CRPPA: variants seen among roughly 807,000 people sequenced by gnomAD.
CRPPA encodes D-ribitol-5-phosphate cytidylyltransferase.
A neutral mutation model predicts 52.0 loss-of-function variants in CRPPA; 43 were observed. The observed-to-expected ratio is 0.83, with a 90% CI of 0.65 to 1.07. CRPPA has a LOEUF of 1.07. CRPPA is among the 50% of genes least tolerant of loss of function. The pLI is 0.00. For synonymous variants in CRPPA, 250 were observed against 203.5 expected (o/e 1.23, Z -1.94); for missense variants, 629 against 551.7 (o/e 1.14, Z -1.40).
chr7:16,399,561 GAC>G (rs1248771359), intron 2 of CRPPA, among the ~76,000 whole-genome samples: 2 of 152,076 alleles, frequency 1.3e-5, no homozygotes, highest in African/African-American at 4.8e-5. Flanking sequence ...TGAATGACAT[GAC>G]ACGTTTGTGA....
chr7:16,137,433 G>A (rs1445782156), intron 9 of CRPPA, among the ~76,000 whole-genome samples: 1 of 152,070 alleles, frequency 6.6e-6, no homozygotes, highest in Non-Finnish European at 1.5e-5. Flanking sequence ...ATGGATGAAG[G>A]AAAATATTTT....
Position 16,264,779 on chromosome 7 carries a change from T to C in CRPPA, c.934-5767A>G, listed in dbSNP as rs74974254. Among the ~76,000 whole-genome samples, 864 of 152,352 alleles carry C rather than the reference T, an allele frequency of 5.7e-3. 9 individuals are homozygous for C. The highest frequency in any genetic ancestry group is 0.02 in the African/African-American group (829 of 41,586). The stretch of plus-strand genomic sequence containing the variant: ...GCCAACAATTATCCCTTTTTGCCTT[T>C]CTAGCATTCAGCATTTACTATTTCT... On this transcript the variant is annotated intron_variant, in intron 6 of 9. Coordinates refer to ENST00000407010, the MANE Select transcript of CRPPA (RefSeq NM_001101426.4).
chr7:16,362,150 G>A (rs901816555), intron 3 of CRPPA, among the ~76,000 whole-genome samples: 20 of 152,278 alleles, frequency 1.3e-4, no homozygotes, highest in Admixed American at 3.9e-4. Context: ...CACCGCGCTC[G>A]GCCTACAAAA....
At chr7:16,362,257 G>A (rs1270480963) in intron 3 of CRPPA, among the ~76,000 whole-genome samples, 5 of 152,168 alleles carry the variant, frequency 3.3e-5, no homozygotes, top group Non-Finnish European at 5.9e-5. Flanking sequence ...TTCTCACAGC[G>A]TGGAGGCTGG....
chr7:16,186,854 G>T, intron 9 of CRPPA, among the ~76,000 whole-genome samples: 1 of 152,070 alleles, frequency 6.6e-6, no homozygotes, highest in East Asian at 1.9e-4. Flanking sequence ...ACCAAGGAGA[G>T]GATTTTGTCC....
chr7:16,314,561 C>T (rs905668490), intron 3 of CRPPA, among the ~76,000 whole-genome samples: 1 of 151,956 alleles, frequency 6.6e-6, no homozygotes, highest in Non-Finnish European at 1.5e-5. Flanking sequence ...ATATAAATTT[C>T]TGGAGAAGAT....
In CRPPA at chr7:16,213,466, T is replaced by C. The variant is rs191633491; in HGVS notation, c.1251+2600A>G. On this transcript the variant is annotated intron_variant, in intron 9 of 9. Transcript: ENST00000407010. ...AATTTTTTTTTAAAAAACAAAAATT[T>C]GGCCAGGCGCGGTGGCTCACACCTG... is the stretch of plus-strand genomic sequence containing the variant. Among the ~76,000 whole-genome samples the C allele has an allele frequency of 2.0e-3, 307 of 152,152 alleles. 1 individual carries two copies. Among genetic ancestry groups the C allele is most frequent in the Non-Finnish European group, 3.6e-3 (246 of 67,992 alleles).
chr7:16,349,223 T>C (rs1451519004), intron 3 of CRPPA, among the ~76,000 whole-genome samples: 1 of 152,064 alleles, frequency 6.6e-6, no homozygotes, highest in Non-Finnish European at 1.5e-5. Flanking sequence ...ATGTGGCACA[T>C]CCCAACCTCC....
intron 9 of CRPPA, among the ~76,000 whole-genome samples, chr7:16,098,665 A>C (rs78419513): frequency 4.6e-4 from 70 of 152,352 alleles, no homozygotes; most frequent in African/African-American, 1.6e-3. Context: ...CTAAACCTTC[A>C]ACAGACTTGT....
intron 9 of CRPPA, among the ~76,000 whole-genome samples, chr7:16,114,506 A>G (rs147794144): frequency 6.6e-6 from 1 of 152,240 alleles, no homozygotes; most frequent in East Asian, 1.9e-4. Flanking sequence ...ACTGATGAGT[A>G]TAAAGTTTAT....
rs560762944 is a variant in CRPPA, at chr7:16,384,706, T to C, written c.535-8465A>G. ...AAAAGCAACATCAGAAGCTTTTCCC[T>C]GTGAAAGTAAAAGACATCACTAAAA... On this transcript the variant is annotated intron_variant, in intron 2 of 9. Coordinates refer to ENST00000407010, the MANE Select transcript of CRPPA (RefSeq NM_001101426.4). 4.6e-5 allele frequency among the ~76,000 whole-genome samples: 7 copies of C among 152,280 alleles called. No individual in the cohort carries two copies. The South Asian group carries it at 1.2e-3, about 27-fold the overall frequency.
At chr7:16,258,514 A>T (rs1402161671) in intron 7 of CRPPA, 32 bp from the exon 8 acceptor site, 1 of 1,344,420 alleles carries the variant, frequency 7.4e-7, no homozygotes, top group Non-Finnish European at 1.0e-6. Context: ...AGGATATGAG[A>T]AGACGTTTTT....
At chr7:16,202,957 T>C (rs373672157) in intron 9 of CRPPA, among the ~76,000 whole-genome samples, 63 of 152,308 alleles carry the variant, frequency 4.1e-4, no homozygotes, top group African/African-American at 1.3e-3. Context: ...TGGGTATTAC[T>C]ATTAGTTATT....
Position 16,241,199 on chromosome 7 carries a change from C to CT in CRPPA, c.1119+17190dup, listed in dbSNP as rs371818495. ...ATGGATGATGACTTTCTTTTCTTTT[C>CT]TTTTTTTAATTTGCTGACCTGTTCA... On this transcript the variant is annotated intron_variant, in intron 8 of 9. Coordinates refer to ENST00000407010, the MANE Select transcript of CRPPA (RefSeq NM_001101426.4). Among the ~76,000 whole-genome samples, 657 of 152,020 alleles carry CT rather than the reference C, an allele frequency of 4.3e-3. 6 individuals carry two copies. Among genetic ancestry groups the CT allele is most frequent in the African/African-American group, 0.015 (612 of 41,474 alleles).
chr7:16,287,340 C>A (rs954366782), intron 5 of CRPPA, among the ~76,000 whole-genome samples: 1 of 152,084 alleles, frequency 6.6e-6, no homozygotes, highest in East Asian at 1.9e-4. Flanking sequence ...CCTTCTCTTC[C>A]ACAAGATCAC....
chr7:16,253,346 C>G lies in CRPPA; in HGVS notation c.1119+5044G>C, dbSNP rs150513523. On this transcript the variant is annotated intron_variant, in intron 8 of 9. Transcript: ENST00000407010. ...TTTCAAAGAACATCTGTATTTCTGC[C>G]TTCATTTTGTTATTCACCCAGCAGT... Among the ~76,000 whole-genome samples, 100 of 152,228 alleles carry G rather than the reference C, an allele frequency of 6.6e-4. 2 individuals are homozygous for G. The East Asian group carries it at 0.014, about 22-fold the overall frequency.
At chr7:16,212,528 A>G (rs141164737) in intron 9 of CRPPA, among the ~76,000 whole-genome samples, 5 of 152,304 alleles carry the variant, frequency 3.3e-5, no homozygotes, top group Admixed American at 3.3e-4. Context: ...ACTAAAATAT[A>G]CACACCGTAA....
intron 6 of CRPPA, among the ~76,000 whole-genome samples, chr7:16,261,209 C>A (rs1002139387): frequency 1.3e-5 from 2 of 151,966 alleles, no homozygotes; most frequent in African/African-American, 4.8e-5. Context: ...TGTAGTAAAA[C>A]CAAAAGTGTT....
chr7:16,299,683 G>A (rs1784750891), intron 5 of CRPPA, among the ~76,000 whole-genome samples: 1 of 152,066 alleles, frequency 6.6e-6, no homozygotes, highest in Admixed American at 6.5e-5. Context: ...ACACTAGGCA[G>A]GTCAGATTTA....
Sources: gnomAD v4.1 joint callset for allele counts (sites outside exome capture counted in the v4.1 genomes callset) on GRCh38, gnomAD v4.1.1 for gene constraint, MANE v1.5 for transcripts, NCBI Gene and HGNC (gene_info 2026-07-23, HGNC 2026-07-21) for gene names.